ZPR1: variants seen among roughly 807,000 people sequenced by gnomAD.
ZPR1 encodes ZPR1 zinc finger, also known as zinc finger protein ZPR1.
A neutral mutation model predicts 59.6 loss-of-function variants in ZPR1; 37 were observed. The observed-to-expected ratio is 0.62, with a 90% CI of 0.48 to 0.82. ZPR1 has a LOEUF of 0.82. ZPR1 is among the 40% of genes least tolerant of loss of function. The probability of loss-of-function intolerance (pLI) is 0.00; values close to 1 mark genes in which losing one functional copy is unlikely to be tolerated. For synonymous variants in ZPR1, 191 were observed against 215.2 expected (o/e 0.89, Z 0.99); for missense variants, 527 against 579.9 (o/e 0.91, Z 0.94).
At chr11:116,781,247 AG>A (rs778613008) in intron 12 of ZPR1, among the ~76,000 whole-genome samples, 20 of 152,312 alleles carry the variant, frequency 1.3e-4, no homozygotes, top group Admixed American at 8.5e-4. Context: ...AATCTTCAAT[AG>A]AATAATTCAT....
rs1195874194 is a variant in ZPR1, at chr11:116,774,650, A to C, written c.*4275T>G. 6.6e-6 allele frequency: 1 copy of C among 152,268 alleles called. No homozygotes were observed. Among genetic ancestry groups the C allele is most frequent in the Admixed American group, 6.5e-5 (1 of 15,278 alleles). 9.4% of individuals were successfully genotyped at this position (152,268 alleles called of 1,614,324 possible). A position where few individuals can be genotyped will look rare whatever the true frequency, so the allele number is the denominator to read the frequency against. Reference sequence around the variant, plus strand: ...GAGGGGGTTGCAGCACAGGCCCAGAAAGGAAAGCAGGCTGGGGCTCTGAGG... The same window carrying C: ...GAGGGGGTTGCAGCACAGGCCCAGACAGGAAAGCAGGCTGGGGCTCTGAGG... On this transcript the variant is annotated 3_prime_UTR_variant, in exon 14 of 14. Coordinates refer to ENST00000227322, the MANE Select transcript of ZPR1 (RefSeq NM_003904.5).
intron 12 of ZPR1, among the ~76,000 whole-genome samples, chr11:116,781,607 G>A (rs1294826760): frequency 6.6e-6 from 1 of 152,228 alleles, no homozygotes; most frequent in African/African-American, 2.4e-5. Context: ...ATGTTCAGAT[G>A]TGGAAGGTCC....
rs76836072 is a variant in ZPR1 at position 116,783,046 on chromosome 11, C to T, written c.982-17G>A. ...AGTCTCAGACTGTGAAATGAGAGGT[C>T]AGTTTAAGCTTTAAGTCAGAAGCAA... On this transcript the variant is annotated splice_polypyrimidine_tract_variant and intron_variant, in intron 10 of 13. Coordinates refer to ENST00000227322, the MANE Select transcript of ZPR1 (RefSeq NM_003904.5). 0.055 allele frequency: 88,563 copies of T among 1,602,976 alleles called. 2,749 individuals are homozygous for T. The highest frequency in any genetic ancestry group is 0.12 in the Admixed American group (7,068 of 59,998).
In ZPR1 at chr11:116,778,455, C is replaced by A; in HGVS notation, c.*470G>T. ...GAGGCCAGTGCTGTTTGAAAGTCATCATTTCAATGGTAACTCCTTCACTTG... is the reference window on the plus strand; with the variant it reads ...GAGGCCAGTGCTGTTTGAAAGTCATAATTTCAATGGTAACTCCTTCACTTG... On this transcript the variant is annotated 3_prime_UTR_variant, in exon 14 of 14. Coordinates refer to ENST00000227322, the MANE Select transcript of ZPR1 (RefSeq NM_003904.5). 1 of 158,130 alleles carries A rather than the reference C, an allele frequency of 6.3e-6. No homozygotes were observed. Among genetic ancestry groups the A allele is most frequent in the South Asian group, 1.9e-4 (1 of 5,364 alleles). The allele number at this position is 158,130 out of a possible 1,614,324, so 9.8% of individuals were successfully genotyped here.
intron 4 of ZPR1, 102 bp from the exon 5 acceptor site, chr11:116,785,984 C>G (rs996871402): frequency 5.0e-6 from 5 of 999,696 alleles, no homozygotes; most frequent in Non-Finnish European, 7.9e-6. Context: ...CCACCTATCT[C>G]AGTGTGAGTG....
At chr11:116,779,142 A>G in intron 13 of ZPR1, 83 bp from the exon 14 acceptor site, 1 of 1,564,982 alleles carries the variant, frequency 6.4e-7, no homozygotes. Flanking sequence ...CCTTCCCAAG[A>G]ACAGAATGAG....
chr11:116,774,979 TCTCCAC>T lies in ZPR1; in HGVS notation c.*3940_*3945del, dbSNP rs1190822352. On this transcript the variant is annotated 3_prime_UTR_variant, in exon 14 of 14. Coordinates refer to ENST00000227322, the MANE Select transcript of ZPR1 (RefSeq NM_003904.5). The stretch of plus-strand genomic sequence containing the variant: ...CCCTTAGCCTGACAAGGCCCAAGTG[TCTCCAC>T]CCTGTGCTGCAGGGCAGTTAAGCAG... 1 of 152,312 alleles carries T rather than the reference TCTCCAC, an allele frequency of 6.6e-6. No homozygotes were observed. Among genetic ancestry groups the T allele is most frequent in the African/African-American group, 2.4e-5 (1 of 41,456 alleles). The allele number at this position is 152,312 out of a possible 1,614,324, so 9.4% of individuals were successfully genotyped here.
rs3741297 is a variant in ZPR1 at position 116,786,951 on chromosome 11, C to T, written c.424+18G>A. The T allele has an allele frequency of 4.5e-3, 7,262 of 1,607,076 alleles. 171 individuals carry two copies. The East Asian group carries it at 0.071, about 16-fold the overall frequency. On this transcript the variant is annotated intron_variant, in intron 3 of 13. Coordinates refer to ENST00000227322, the MANE Select transcript of ZPR1 (RefSeq NM_003904.5). ...TAGCTACATGCGAACAGCCCAAATACTCTGATCTTAAACTTACCTCCTTTC... is the reference window on the plus strand; with the variant it reads ...TAGCTACATGCGAACAGCCCAAATATTCTGATCTTAAACTTACCTCCTTTC...
In ZPR1 at chr11:116,787,642, C is replaced by T. The variant is rs1421415053; in HGVS notation, c.173G>A (p.Gly58Asp). Residue 58 changes from glycine (G) to aspartate (D), a missense_variant and splice_region_variant, in exon 2 of 14, where the codon GGC (glycine) becomes GAC (aspartate). Gly to Asp is a moderately conservative substitution (Grantham distance 94). Coordinates refer to ENST00000227322, the MANE Select transcript of ZPR1 (RefSeq NM_003904.5). ...CTTGGTGAGCAGGAGGCGCGTCATG[C>T]CCTGGTGAAGTAGAAAGTAGCTAAG... ...ESLCMNCYCN[G>D]MTRLLLTKIP... 2 of 1,609,278 alleles carry T rather than the reference C, an allele frequency of 1.2e-6. No homozygotes were observed. The highest frequency in any genetic ancestry group is 1.7e-6 in the Non-Finnish European group (2 of 1,176,120).
At chr11:116,780,212 G>T (rs1196090194) in intron 12 of ZPR1, among the ~76,000 whole-genome samples, 1 of 150,722 alleles carries the variant, frequency 6.6e-6, no homozygotes, top group African/African-American at 2.4e-5. Flanking sequence ...GAGGGGAAAG[G>T]TTCTAAAATA....
At chr11:116,783,691 G>T in intron 9 of ZPR1, 72 bp from the exon 10 acceptor site, 3 of 1,270,072 alleles carry the variant, frequency 2.4e-6, no homozygotes, top group African/African-American at 1.5e-5. Context: ...GACCTGGAGT[G>T]TAGGCTTGGA....
Position 116,787,808 on chromosome 11 carries a change from C to T in ZPR1, c.171+12G>A, listed in dbSNP as rs1220904395. 2.6e-6 allele frequency: 4 copies of T among 1,549,254 alleles called. No homozygotes were observed. Among genetic ancestry groups the T allele is most frequent in the South Asian group, 2.4e-5 (2 of 84,278 alleles). The stretch of plus-strand genomic sequence containing the variant: ...TACCCACCCGCCGCTCGCGGCCGCG[C>T]CCCCGCCTCACATTGCAGTAACAGT... On this transcript the variant is annotated intron_variant, in intron 1 of 13. Transcript: ENST00000227322.
chr11:116,784,885 C>T lies in ZPR1; in HGVS notation c.790G>A (p.Ala264Thr). The change falls in exon 8 of 14, where the codon GCC becomes ACC. Residue 264 changes from alanine (A) to threonine (T), a missense_variant. Physicochemically the swap from Ala to Thr is moderately conservative, Grantham distance 58. Coordinates refer to ENST00000227322, the MANE Select transcript of ZPR1 (RefSeq NM_003904.5). Reference protein sequence around the residue: ...QFSTNCPECNAPAQTNMKLVQ... With the variant: ...QFSTNCPECNTPAQTNMKLVQ... ...AGCTTCATGTTGGTCTGAGCGGGGG[C>T]ATTGCATTCTGGGCAGTTTGTGCTG... The T allele has an allele frequency of 3.7e-6, 6 of 1,614,216 alleles. No individual in the cohort carries two copies. The highest frequency in any genetic ancestry group is 5.1e-6 in the Non-Finnish European group (6 of 1,180,042).
intron 11 of ZPR1, among the ~76,000 whole-genome samples, chr11:116,782,713 C>A (rs984426756): frequency 6.6e-6 from 1 of 152,170 alleles, no homozygotes; most frequent in African/African-American, 2.4e-5. Flanking sequence ...TATAAAGTCC[C>A]AAAGTTAGGC....
chr11:116,783,832 A>G (rs1940846464), intron 9 of ZPR1, among the ~76,000 whole-genome samples: 1 of 150,526 alleles, frequency 6.6e-6, no homozygotes, highest in African/African-American at 2.5e-5. Flanking sequence ...AACTTATCCC[A>G]AATTGCCAAT....
intron 13 of ZPR1, 126 bp downstream of exon 13, chr11:116,779,646 C>T: frequency 1.5e-6 from 1 of 657,672 alleles, no homozygotes; most frequent in Non-Finnish European, 2.5e-6. Flanking sequence ...TATCTTCTAA[C>T]TTCTGCCTCC....
intron 13 of ZPR1, 135 bp downstream of exon 13, chr11:116,779,637 A>G (rs1321926043): frequency 1.6e-6 from 1 of 608,766 alleles, no homozygotes; most frequent in Non-Finnish European, 2.8e-6. Context: ...TCCCTTATGT[A>G]TCTTCTAACT....
chr11:116,778,868 T>C lies in ZPR1; in HGVS notation c.*57A>G, dbSNP rs2134192872. ...CCCAGCCTTCGCCTTCATCCAATAC[T>C]AATAAATAACCTACAGAAAGAGCAG... On this transcript the variant is annotated 3_prime_UTR_variant, in exon 14 of 14. Transcript: ENST00000227322. 2 of 1,589,514 alleles carry C rather than the reference T, an allele frequency of 1.3e-6. No individual in the cohort carries two copies. Among genetic ancestry groups the C allele is most frequent in the African/African-American group, 1.3e-5 (1 of 74,276 alleles).
chr11:116,784,604 T>G (rs1940857282), intron 8 of ZPR1, 156 bp from the exon 9 acceptor site: 1 of 847,634 alleles, frequency 1.2e-6, no homozygotes, highest in African/African-American at 1.7e-5. Flanking sequence ...GAGGGCAAGT[T>G]CCCAACCCAT....
Sources: allele counts gnomAD v4.1 joint callset (sites outside exome capture counted in the v4.1 genomes callset), GRCh38; gene constraint gnomAD v4.1.1; transcripts MANE v1.5; gene names NCBI Gene and HGNC (gene_info 2026-07-23, HGNC 2026-07-21).